The following KREMEN1 variants were observed in gnomAD, a reference collection of about 807,000 sequenced individuals.
The protein encoded by KREMEN1 is kringle containing transmembrane protein 1.
A neutral mutation model predicts 46.5 loss-of-function variants in KREMEN1; 30 were observed. That is an observed-to-expected ratio of 0.65 (90% confidence interval 0.48 to 0.88). The LOEUF (loss-of-function observed/expected upper bound fraction) is 0.88. Among genes scored for constraint, KREMEN1 ranks in the 40% least tolerant of loss-of-function variants. The pLI is 0.00. For synonymous variants in KREMEN1, 214 were observed against 230.6 expected (o/e 0.93, Z 0.65); for missense variants, 533 against 596.9 (o/e 0.89, Z 1.11).
intron 3 of KREMEN1, among the ~76,000 whole-genome samples, chr22:29,117,125 G>A (rs1397518942): frequency 2.6e-5 from 4 of 152,112 alleles, no homozygotes; most frequent in Non-Finnish European, 5.9e-5. Flanking sequence ...TTAGATGGTG[G>A]AATACATTAA....
intron 9 of KREMEN1, among the ~76,000 whole-genome samples, chr22:29,159,913 CT>C (rs75784207): frequency 0.016 from 2,492 of 152,022 alleles, 130 homozygotes; most frequent in South Asian, 0.15. Flanking sequence ...GAGACCTGGA[CT>C]TTTTTTTAAA....
chr22:29,137,617 T>G lies in KREMEN1; in HGVS notation c.907T>G (p.Leu303Val). 1 of 1,612,422 alleles carries G rather than the reference T, an allele frequency of 6.2e-7. No homozygotes were observed. Among genetic ancestry groups the G allele is most frequent in the Non-Finnish European group, 8.5e-7 (1 of 1,178,530 alleles). ...SFNVSLDFVI[L>V]YFFSDRINQA... ...CAACGTCTCTCTGGACTTCGTCATC[T>G]TGTATTTCTTCTCTGATCGCATCAA... The change falls in exon 6 of 9, where the codon TTG (leucine) becomes GTG (valine). Residue 303 changes from leucine to valine, a missense_variant. By Grantham distance (32) the Leu-to-Val change is conservative. Transcript: ENST00000400335.
rs145610907 is a variant in KREMEN1 at position 29,136,589 on chromosome 22, ATAG to A, written c.632-752_632-750del. On this transcript the variant is annotated intron_variant, in intron 5 of 8. Coordinates refer to ENST00000400335, the MANE Select transcript of KREMEN1 (RefSeq NM_001039570.3). ...GACTCCTTCTCAAAAAAAAAAAAAA[ATAG>A]AATCCTAGCCCTACATTCCCTCCCA... Among the ~76,000 whole-genome samples, 1,306 of 147,268 alleles carry A rather than the reference ATAG, an allele frequency of 8.9e-3. 22 individuals are homozygous for A. The highest frequency in any genetic ancestry group is 0.033 in the African/African-American group (1,246 of 37,880).
intron 3 of KREMEN1, among the ~76,000 whole-genome samples, chr22:29,102,206 A>T (rs1202661303): frequency 1.3e-5 from 2 of 152,126 alleles, no homozygotes; most frequent in Non-Finnish European, 2.9e-5. Flanking sequence ...CTGGAATAGC[A>T]TCTGAATGCT....
chr22:29,133,795 CT>C (rs2038609739), intron 5 of KREMEN1, among the ~76,000 whole-genome samples: 2 of 152,100 alleles, frequency 1.3e-5, no homozygotes, highest in African/African-American at 4.8e-5. Flanking sequence ...AACATTTCTT[CT>C]GTTCCATTCT....
At chr22:29,105,480 C>CAT (rs1016590032) in intron 3 of KREMEN1, among the ~76,000 whole-genome samples, 5 of 100,898 alleles carry the variant, frequency 5.0e-5, no homozygotes, top group Non-Finnish European at 7.3e-5. Context: ...CACACACATA[C>CAT]ACACACACAC....
In KREMEN1 at chr22:29,144,147, G is replaced by A. The variant is rs1024878377; in HGVS notation, c.*2035G>A. 45 of 985,456 alleles carry A rather than the reference G, an allele frequency of 4.6e-5. No homozygotes were observed. The African/African-American group carries it at 5.4e-4, about 12-fold the overall frequency. The allele number at this position is 985,456 out of a possible 1,614,324, so 61.0% of individuals were successfully genotyped here. Reference sequence around the variant, plus strand: ...GCACTTGGGCCTGGGTGATTGTTGCGCCTCTGGCTTTGGCGTTTCCTCTTT... The same window carrying A: ...GCACTTGGGCCTGGGTGATTGTTGCACCTCTGGCTTTGGCGTTTCCTCTTT... On this transcript the variant is annotated 3_prime_UTR_variant, in exon 9 of 9. Coordinates refer to ENST00000400335, the MANE Select transcript of KREMEN1 (RefSeq NM_001039570.3).
intron 3 of KREMEN1, among the ~76,000 whole-genome samples, chr22:29,105,035 T>C (rs1320084684): frequency 1.3e-5 from 2 of 152,234 alleles, no homozygotes; most frequent in African/African-American, 4.8e-5. Flanking sequence ...TTCTGCAGCC[T>C]GTGGGGAATC....
intron 9 of KREMEN1, among the ~76,000 whole-genome samples, chr22:29,156,591 C>G (rs1053334409): frequency 3.3e-5 from 5 of 151,654 alleles, no homozygotes; most frequent in African/African-American, 1.2e-4. Context: ...ACGCTGGCTG[C>G]CTCTTCAAAA....
intron 5 of KREMEN1, among the ~76,000 whole-genome samples, chr22:29,137,033 G>T (rs1442662599): frequency 6.6e-6 from 1 of 152,224 alleles, no homozygotes; most frequent in Non-Finnish European, 1.5e-5. Flanking sequence ...GCCCGCGAGT[G>T]AAGTGCGGCC....
intron 5 of KREMEN1, among the ~76,000 whole-genome samples, chr22:29,126,547 T>A (rs1404294201): frequency 6.6e-6 from 1 of 152,178 alleles, no homozygotes; most frequent in Non-Finnish European, 1.5e-5. Flanking sequence ...AAGGAACCAA[T>A]CATTGGATTT....
At chr22:29,151,956 G>A (rs1256948925) in intron 9 of KREMEN1, among the ~76,000 whole-genome samples, 3 of 150,176 alleles carry the variant, frequency 2.0e-5, no homozygotes, top group Non-Finnish European at 4.4e-5. Context: ...GTTGCCGTGA[G>A]CCGAGATTGT....
chr22:29,159,561 G>C (rs2038992988), intron 9 of KREMEN1, among the ~76,000 whole-genome samples: 2 of 152,178 alleles, frequency 1.3e-5, no homozygotes, highest in Non-Finnish European at 1.5e-5. Flanking sequence ...GGAGGTTGCA[G>C]TGAGCCGAGA....
At chr22:29,083,668 C>A (rs1222809730) in intron 1 of KREMEN1, among the ~76,000 whole-genome samples, 1 of 152,060 alleles carries the variant, frequency 6.6e-6, no homozygotes. Flanking sequence ...CCTGTCTCTA[C>A]TAAAAATACA....
intron 1 of KREMEN1, among the ~76,000 whole-genome samples, chr22:29,090,315 G>T (rs1057510040): frequency 6.6e-6 from 1 of 152,158 alleles, no homozygotes; most frequent in East Asian, 1.9e-4. Flanking sequence ...AATAAGGGAG[G>T]CTGGGAGCTA....
intron 9 of KREMEN1, among the ~76,000 whole-genome samples, chr22:29,163,661 G>A (rs994797706): frequency 2.6e-5 from 4 of 151,402 alleles, no homozygotes; most frequent in Admixed American, 2.0e-4. Context: ...ACAGGCATGA[G>A]CCACCACGCC....
intron 1 of KREMEN1, among the ~76,000 whole-genome samples, chr22:29,093,076 A>C (rs1485300647): frequency 6.6e-6 from 1 of 152,210 alleles, no homozygotes; most frequent in Non-Finnish European, 1.5e-5. Flanking sequence ...CAGACAAAAC[A>C]CAGGGCCTGG....
intron 5 of KREMEN1, among the ~76,000 whole-genome samples, chr22:29,136,990 TC>T (rs2038669889): frequency 6.6e-6 from 1 of 152,098 alleles, no homozygotes; most frequent in Non-Finnish European, 1.5e-5. Context: ...CAGATGGTGC[TC>T]TCTCCAGCCT....
chr22:29,165,027 G>A (rs1294020757), intron 9 of KREMEN1, among the ~76,000 whole-genome samples: 4 of 152,170 alleles, frequency 2.6e-5, no homozygotes, highest in East Asian at 3.9e-4. Context: ...ACAAAAATTA[G>A]CCGGGCATGG....
Sources: allele counts gnomAD v4.1 joint callset (sites outside exome capture counted in the v4.1 genomes callset), GRCh38; gene constraint gnomAD v4.1.1; transcripts MANE v1.5; gene names NCBI Gene and HGNC (gene_info 2026-07-23, HGNC 2026-07-21).